Variants in CDC42BPA observed in about 807,000 individuals in gnomAD.
CDC42BPA encodes CDC42 binding protein kinase alpha, also known as serine/threonine-protein kinase MRCK alpha.
Under a neutral mutation model 223.5 loss-of-function variants are expected in CDC42BPA, and 80 were observed. The ratio of observed to expected loss-of-function variants is 0.36; its 90% CI spans 0.30 to 0.43. The LOEUF is 0.43. Ranked by LOEUF, CDC42BPA falls within the 20% of genes least tolerant of loss-of-function variation. CDC42BPA has a pLI of 1.00. For synonymous variants in CDC42BPA, 694 were observed against 718.6 expected, an observed-to-expected ratio of 0.97 and a Z score of 0.55; for missense variants, 1,743 against 2,099.9, an observed-to-expected ratio of 0.83 and a Z score of 3.32.
chr1:227,132,504 G>C (rs1258511165), intron 10 of CDC42BPA, among the ~76,000 whole-genome samples: 33 of 136,376 alleles, frequency 2.4e-4, no homozygotes, highest in Admixed American at 5.1e-4. Flanking sequence ...CCAGCCGCCT[G>C]CCTTGGCCTC....
At chr1:227,087,260 A>AT (rs1405347950) in intron 16 of CDC42BPA, among the ~76,000 whole-genome samples, 1 of 152,088 alleles carries the variant, frequency 6.6e-6, no homozygotes, top group Non-Finnish European at 1.5e-5. Context: ...ATCCAAGTTC[A>AT]TTTTTTCTCA....
intron 5 of CDC42BPA, among the ~76,000 whole-genome samples, chr1:227,162,708 T>A (rs533657109): frequency 1.3e-5 from 2 of 152,188 alleles, no homozygotes; most frequent in East Asian, 3.9e-4. Context: ...GGATGGCACA[T>A]GCTTGCGATC....
chr1:227,218,002 A>AT (rs968523627), intron 2 of CDC42BPA, among the ~76,000 whole-genome samples: 5 of 151,642 alleles, frequency 3.3e-5, no homozygotes, highest in African/African-American at 4.8e-5. Flanking sequence ...GAGGGCAGGG[A>AT]TTTTTTTTTC....
chr1:227,121,353 T>C lies in CDC42BPA; in HGVS notation c.1514-1416A>G, dbSNP rs77056487. On this transcript the variant is annotated intron_variant, in intron 11 of 36. Transcript: ENST00000366766. ...AAGCAGTGTTAATATGTTAGTCCTA[T>C]TGGGAAGAGCAATTCACTTGTGTAG... Among the ~76,000 whole-genome samples, 265 of 152,350 alleles carry C rather than the reference T, an allele frequency of 1.7e-3. 8 individuals are homozygous for C. In the East Asian group the frequency reaches 0.043, roughly 25 times the overall value.
At chr1:227,224,814 T>C (rs1277733752) in intron 2 of CDC42BPA, among the ~76,000 whole-genome samples, 2 of 152,172 alleles carry the variant, frequency 1.3e-5, no homozygotes, top group Non-Finnish European at 2.9e-5. Context: ...AGAAAATCAT[T>C]TGAAGTGTAG....
At chr1:227,095,839 G>A (rs561205971) in intron 15 of CDC42BPA, among the ~76,000 whole-genome samples, 9 of 152,200 alleles carry the variant, frequency 5.9e-5, no homozygotes, top group East Asian at 3.9e-4. Context: ...TGATCCGCCC[G>A]CCTCAGCCTC....
At chr1:227,078,159 T>C (rs1243682541) in intron 17 of CDC42BPA, among the ~76,000 whole-genome samples, 1 of 152,154 alleles carries the variant, frequency 6.6e-6, no homozygotes, top group East Asian at 1.9e-4. Flanking sequence ...AAACTAGGTG[T>C]AGGATATTTT....
At chr1:227,313,308 A>G (rs574127904) in intron 1 of CDC42BPA, among the ~76,000 whole-genome samples, 12 of 152,192 alleles carry the variant, frequency 7.9e-5, no homozygotes, top group Non-Finnish European at 1.5e-4. Context: ...TATCAACAGC[A>G]TCACTCCTAT....
chr1:227,136,601 A>C (rs555776709), intron 10 of CDC42BPA, among the ~76,000 whole-genome samples: 1 of 152,366 alleles, frequency 6.6e-6, no homozygotes, highest in East Asian at 1.9e-4. Context: ...ATCACAGTCC[A>C]ACTATTTGAA....
chr1:227,285,225 T>C (rs915003605), intron 1 of CDC42BPA, among the ~76,000 whole-genome samples: 3 of 152,172 alleles, frequency 2.0e-5, no homozygotes. Flanking sequence ...GAAGAACACA[T>C]TGGAATTAAC....
intron 34 of CDC42BPA, among the ~76,000 whole-genome samples, chr1:227,010,248 CTCTT>C (rs1189552077): frequency 6.6e-6 from 1 of 152,174 alleles, no homozygotes; most frequent in African/African-American, 2.4e-5. Context: ...TTAAATTTTC[CTCTT>C]TCTTTGCTTT....
intron 7 of CDC42BPA, among the ~76,000 whole-genome samples, chr1:227,145,974 T>C (rs899170284): frequency 1.8e-4 from 28 of 152,086 alleles, no homozygotes; most frequent in African/African-American, 6.5e-4. Context: ...GAAGAATACA[T>C]TGTACCTTAG....
At chr1:227,191,168 A>C (rs186486899) in intron 5 of CDC42BPA, among the ~76,000 whole-genome samples, 1 of 152,070 alleles carries the variant, frequency 6.6e-6, no homozygotes, top group African/African-American at 2.4e-5. Flanking sequence ...ACATGGAGAA[A>C]ACCCACCTCT....
chr1:227,175,904 G>A (rs187152062), intron 5 of CDC42BPA, among the ~76,000 whole-genome samples: 2 of 152,244 alleles, frequency 1.3e-5, no homozygotes, highest in African/African-American at 2.4e-5. Context: ...TCACTGCTAC[G>A]TGCTGGTCAC....
At chr1:227,135,719 T>C (rs906120379) in intron 10 of CDC42BPA, among the ~76,000 whole-genome samples, 1 of 151,786 alleles carries the variant, frequency 6.6e-6, no homozygotes, top group Non-Finnish European at 1.5e-5. Flanking sequence ...CCAGGCATGG[T>C]GGCACGTGCC....
intron 34 of CDC42BPA, among the ~76,000 whole-genome samples, chr1:227,007,115 A>C (rs1469107495): frequency 2.0e-5 from 3 of 152,236 alleles, no homozygotes; most frequent in Non-Finnish European, 4.4e-5. Flanking sequence ...AAAAAATTCA[A>C]GTTTTGTGAC....
At chr1:227,288,416 C>T (rs192851622) in intron 1 of CDC42BPA, among the ~76,000 whole-genome samples, 4 of 152,000 alleles carry the variant, frequency 2.6e-5, no homozygotes, top group South Asian at 2.1e-4. Flanking sequence ...AAAATGATAT[C>T]GGCCAGGTGC....
At chr1:227,015,431 A>T (rs78515548) in intron 34 of CDC42BPA, among the ~76,000 whole-genome samples, 1 of 149,556 alleles carries the variant, frequency 6.7e-6, no homozygotes, top group Non-Finnish European at 1.5e-5. Flanking sequence ...TCAAAAAAAG[A>T]AAAAAAAGAA....
intron 21 of CDC42BPA, chr1:227,059,503 T>G: frequency 8.8e-7 from 1 of 1,136,930 alleles, no homozygotes; most frequent in Non-Finnish European, 1.3e-6. Context: ...ACAAAGTATA[T>G]AAACATACAT....
Sources: gnomAD v4.1 joint callset for allele counts (sites outside exome capture counted in the v4.1 genomes callset) on GRCh38, gnomAD v4.1.1 for gene constraint, MANE v1.5 for transcripts, NCBI Gene and HGNC (gene_info 2026-07-23, HGNC 2026-07-21) for gene names.